RUNX1: variants seen among roughly 807,000 people sequenced by gnomAD.
RUNX1 encodes runt-related transcription factor 1.
RUNX1 carries 19 observed loss-of-function variants against 42.8 expected under a neutral mutation model. That is an observed-to-expected ratio of 0.44 (90% CI 0.31 to 0.65). The LOEUF (loss-of-function observed/expected upper bound fraction) is 0.65. RUNX1 is among the 30% of genes least tolerant of loss of function. RUNX1 has a pLI of 0.07. For synonymous variants in RUNX1, 271 were observed against 289.4 expected (o/e 0.94, Z 0.64); for missense variants, 528 against 672.0 (o/e 0.79, Z 2.37).
chr21:34,795,330 TTCTC>T (rs537319028), intron 8 of RUNX1, among the ~76,000 whole-genome samples: 4 of 152,040 alleles, frequency 2.6e-5, no homozygotes, highest in Non-Finnish European at 4.4e-5. Context: ...CTAGTGTGTT[TTCTC>T]TCTCTCTCGC....
intron 4 of RUNX1, among the ~76,000 whole-genome samples, chr21:34,886,522 G>A (rs1467012439): frequency 1.3e-5 from 2 of 152,372 alleles, no homozygotes; most frequent in East Asian, 3.9e-4. Context: ...CTGCCGGGCT[G>A]GGTTATAACT....
At chr21:35,008,911 G>A (rs1369015158) in intron 2 of RUNX1, among the ~76,000 whole-genome samples, 2 of 152,156 alleles carry the variant, frequency 1.3e-5, no homozygotes, top group Non-Finnish European at 2.9e-5. Context: ...AGGGAAGAAA[G>A]GTAAAGAGAA....
chr21:34,954,738 C>T (rs2058632648), intron 2 of RUNX1, among the ~76,000 whole-genome samples: 1 of 152,096 alleles, frequency 6.6e-6, no homozygotes, highest in African/African-American at 2.4e-5. Flanking sequence ...GCCATAGCTA[C>T]AAGGTGGGAG....
chr21:34,992,416 G>T (rs1209511479), intron 2 of RUNX1, among the ~76,000 whole-genome samples: 1 of 152,164 alleles, frequency 6.6e-6, no homozygotes, highest in Non-Finnish European at 1.5e-5. Flanking sequence ...GCCACCTGGG[G>T]CTTCAATCTC....
intron 2 of RUNX1, among the ~76,000 whole-genome samples, chr21:35,036,143 G>T (rs1041430227): frequency 2.0e-5 from 3 of 152,054 alleles, no homozygotes; most frequent in African/African-American, 7.2e-5. Flanking sequence ...TAAATAAGCC[G>T]GAAGAAGCAC....
At chr21:34,793,498 T>C (rs572580295) in intron 8 of RUNX1, among the ~76,000 whole-genome samples, 84 of 152,064 alleles carry the variant, frequency 5.5e-4, no homozygotes, top group African/African-American at 1.9e-3. Context: ...GCATTTTACA[T>C]TTTTTAAATG....
chr21:34,820,447 C>T (rs866750078), intron 7 of RUNX1, among the ~76,000 whole-genome samples: 5 of 151,908 alleles, frequency 3.3e-5, no homozygotes, highest in African/African-American at 4.8e-5. Context: ...GTCAGGAGTT[C>T]GAGACGAGCC....
intron 2 of RUNX1, among the ~76,000 whole-genome samples, chr21:34,908,792 C>G (rs776288250): frequency 3.3e-5 from 5 of 152,174 alleles, no homozygotes; most frequent in African/African-American, 1.2e-4. Flanking sequence ...CACCCTTTGT[C>G]AAAGTCAGCC....
intron 2 of RUNX1, among the ~76,000 whole-genome samples, chr21:35,007,593 T>G (rs1227515708): frequency 6.6e-6 from 1 of 152,192 alleles, no homozygotes; most frequent in Non-Finnish European, 1.5e-5. Flanking sequence ...TCCTCCAGGA[T>G]AGCAGCCCTT....
chr21:34,885,348 T>TC (rs1326618406), intron 4 of RUNX1, among the ~76,000 whole-genome samples: 1 of 152,138 alleles, frequency 6.6e-6, no homozygotes, highest in Non-Finnish European at 1.5e-5. Flanking sequence ...CTGAGTCCAT[T>TC]TAGGCAAAGG....
chr21:35,049,286 A>G lies in RUNX1; in HGVS notation c.-178T>C, dbSNP rs2059422752. ...CCAACTTGTGGTTCTGTGGTTGTTT[A>G]TGAGGCCCAAAGAAGTTTTCACACA... is the stretch of plus-strand genomic sequence containing the variant. On this transcript the variant is annotated 5_prime_UTR_variant, in exon 1 of 9. Coordinates refer to ENST00000675419, the MANE Select transcript of RUNX1 (RefSeq NM_001754.5). 1 of 232,096 alleles carries G rather than the reference A, an allele frequency of 4.3e-6. No individual in the cohort carries two copies. The highest frequency in any genetic ancestry group is 5.9e-5 in the South Asian group (1 of 16,920). 14.4% of individuals were successfully genotyped at this position (232,096 alleles called of 1,614,324 possible).
intron 3 of RUNX1, chr21:34,887,700 AT>A: frequency 1.9e-6 from 2 of 1,063,748 alleles, no homozygotes; most frequent in Non-Finnish European, 2.3e-6. Flanking sequence ...GCACGTATAT[AT>A]AAATATATAC....
At chr21:34,802,027 A>G (rs1281634493) in intron 7 of RUNX1, among the ~76,000 whole-genome samples, 3 of 152,178 alleles carry the variant, frequency 2.0e-5, no homozygotes, top group Admixed American at 1.3e-4. Context: ...GCAGGATTCT[A>G]ATTCCAATAG....
intron 2 of RUNX1, among the ~76,000 whole-genome samples, chr21:35,041,991 G>T (rs1384625254): frequency 6.6e-6 from 1 of 152,082 alleles, no homozygotes; most frequent in East Asian, 1.9e-4. Flanking sequence ...AAAGAGTGAG[G>T]AAGATGGGGG....
intron 7 of RUNX1, among the ~76,000 whole-genome samples, chr21:34,831,181 G>A (rs1035318426): frequency 4.6e-5 from 7 of 152,146 alleles, no homozygotes; most frequent in East Asian, 1.9e-4. Flanking sequence ...TGGGAGAAAC[G>A]TGTAGCCCAA....
intron 2 of RUNX1, among the ~76,000 whole-genome samples, chr21:34,944,810 A>T (rs960440656): frequency 6.6e-6 from 1 of 152,218 alleles, no homozygotes. Flanking sequence ...TGAGAGACAG[A>T]TAGTATAATA....
chr21:34,962,218 T>C (rs2058686659), intron 2 of RUNX1, among the ~76,000 whole-genome samples: 1 of 152,236 alleles, frequency 6.6e-6, no homozygotes, highest in South Asian at 2.1e-4. Context: ...ATTCTTTTTT[T>C]TCCATTTATA....
chr21:34,851,735 G>A (rs2057421685), intron 6 of RUNX1, among the ~76,000 whole-genome samples: 1 of 152,192 alleles, frequency 6.6e-6, no homozygotes, highest in Non-Finnish European at 1.5e-5. Context: ...TCAATGTAAT[G>A]GTGTAAGTTT....
At chr21:34,977,247 T>C (rs1479285103) in intron 2 of RUNX1, among the ~76,000 whole-genome samples, 3 of 152,226 alleles carry the variant, frequency 2.0e-5, no homozygotes, top group African/African-American at 7.2e-5. Flanking sequence ...AATTCCCCAC[T>C]GTACCCAAAG....
Sources: gnomAD v4.1 joint callset for allele counts (sites outside exome capture counted in the v4.1 genomes callset) on GRCh38, gnomAD v4.1.1 for gene constraint, MANE v1.5 for transcripts, NCBI Gene and HGNC (gene_info 2026-07-23, HGNC 2026-07-21) for gene names.